The following ME3 variants were observed in gnomAD, a reference collection of about 807,000 sequenced individuals.
ME3 encodes malic enzyme 3.
Under a neutral mutation model 68.9 loss-of-function variants are expected in ME3, and 48 were observed. The observed-to-expected ratio is 0.70, with a 90% CI of 0.55 to 0.89. ME3 has a LOEUF of 0.89. Among genes scored for constraint, ME3 ranks in the 40% least tolerant of loss-of-function variants. The probability of loss-of-function intolerance (pLI) is 0.00; values close to 1 mark genes in which losing one functional copy is unlikely to be tolerated. For missense variants in ME3, 675 were observed against 797.4 expected (o/e 0.85, Z 1.85); for synonymous variants, 320 against 318.8 (o/e 1.00, Z -0.04).
intron 2 of ME3, among the ~76,000 whole-genome samples, chr11:86,605,066 A>G (rs892979612): frequency 6.6e-6 from 1 of 152,102 alleles, no homozygotes; most frequent in Admixed American, 6.6e-5. Flanking sequence ...AGATTTCACT[A>G]TTCTGGATAT....
At chr11:86,523,617 G>C (rs1954498451) in intron 4 of ME3, among the ~76,000 whole-genome samples, 1 of 152,102 alleles carries the variant, frequency 6.6e-6, no homozygotes, top group South Asian at 2.1e-4. Flanking sequence ...TGAGTTCCAA[G>C]AGTTGAAAGA....
chr11:86,531,616 T>C (rs1303665109), intron 4 of ME3, among the ~76,000 whole-genome samples: 1 of 152,032 alleles, frequency 6.6e-6, no homozygotes, highest in East Asian at 1.9e-4. Context: ...CCAACAATGA[T>C]AGAATGGATT....
chr11:86,489,445 T>A (rs1163824029), intron 6 of ME3, among the ~76,000 whole-genome samples: 1 of 152,216 alleles, frequency 6.6e-6, no homozygotes, highest in Non-Finnish European at 1.5e-5. Context: ...GCTTTCACAG[T>A]GCCTCCAATG....
chr11:86,600,743 A>T (rs1339451618), intron 2 of ME3, among the ~76,000 whole-genome samples: 1 of 151,886 alleles, frequency 6.6e-6, no homozygotes, highest in Non-Finnish European at 1.5e-5. Context: ...AGAAATTATA[A>T]CAAACTGTCT....
intron 4 of ME3, among the ~76,000 whole-genome samples, chr11:86,509,462 G>A (rs756242193): frequency 9.9e-5 from 15 of 152,042 alleles, no homozygotes; most frequent in South Asian, 2.1e-4. Flanking sequence ...TTGGTCAAGA[G>A]CAGACAGATA....
At chr11:86,494,491 T>C (rs1952190720) in intron 6 of ME3, among the ~76,000 whole-genome samples, 1 of 152,056 alleles carries the variant, frequency 6.6e-6, no homozygotes, top group African/African-American at 2.4e-5. Context: ...AATAATATAC[T>C]GGGGAGGAAC....
intron 4 of ME3, among the ~76,000 whole-genome samples, chr11:86,545,349 T>G (rs1280404685): frequency 6.6e-6 from 1 of 152,122 alleles, no homozygotes; most frequent in African/African-American, 2.4e-5. Context: ...AAATAAAGGG[T>G]ATTCAAATAG....
downstream of ME3, chr11:86,437,179 T>C (rs1174058560): frequency 6.6e-6 from 1 of 152,228 alleles, no homozygotes; most frequent in Non-Finnish European, 1.5e-5. Flanking sequence ...TTTCACTTTC[T>C]GAATTATTTC....
At chr11:86,449,717 A>C (rs1357719156) in intron 10 of ME3, among the ~76,000 whole-genome samples, 172 bp downstream of exon 10, 7 of 152,262 alleles carry the variant, frequency 4.6e-5, no homozygotes, top group Non-Finnish European at 8.8e-5. Flanking sequence ...ACTTTTGGAC[A>C]GAAGCAATTA....
intron 7 of ME3, among the ~76,000 whole-genome samples, chr11:86,475,967 C>G (rs933384005): frequency 6.6e-6 from 1 of 151,690 alleles, no homozygotes; most frequent in Non-Finnish European, 1.5e-5. Flanking sequence ...TGTGAACACC[C>G]CTGTGAAACA....
chr11:86,588,537 T>C (rs1030198435), intron 2 of ME3, among the ~76,000 whole-genome samples: 2 of 152,156 alleles, frequency 1.3e-5, no homozygotes, highest in Non-Finnish European at 1.5e-5. Flanking sequence ...ACGCCATATT[T>C]CAACCCCAAT....
chr11:86,664,669 T>A lies in ME3; in HGVS notation c.183+7093A>T, dbSNP rs1293573379. ...AGAAATTCCGAGCAGGGATGAAGTCTCCAAGGACTCAGAGTGGAGGGTGGG... is the reference window on the plus strand; with the variant it reads ...AGAAATTCCGAGCAGGGATGAAGTCACCAAGGACTCAGAGTGGAGGGTGGG... On this transcript the variant is annotated intron_variant, in intron 2 of 14. Coordinates refer to ENST00000543262, the Ensembl canonical transcript of ME3. Among the ~76,000 whole-genome samples, 3 of 152,138 alleles carry A rather than the reference T, an allele frequency of 2.0e-5. No individual in the cohort carries two copies. The South Asian group carries it at 6.2e-4, about 32-fold the overall frequency.
intron 2 of ME3, among the ~76,000 whole-genome samples, chr11:86,653,585 C>T (rs1315306526): frequency 6.6e-6 from 1 of 152,208 alleles, no homozygotes; most frequent in East Asian, 1.9e-4. Flanking sequence ...CTCTGGGACA[C>T]ATTCAAAGTA....
chr11:86,527,850 A>C (rs1452523443), intron 4 of ME3, among the ~76,000 whole-genome samples: 1 of 152,248 alleles, frequency 6.6e-6, no homozygotes, highest in Non-Finnish European at 1.5e-5. Flanking sequence ...GAGCTCCTGA[A>C]GGAAGCACTA....
At chr11:86,473,866 A>C (rs991507196) in intron 7 of ME3, among the ~76,000 whole-genome samples, 4 of 152,212 alleles carry the variant, frequency 2.6e-5, no homozygotes, top group Admixed American at 1.3e-4. Context: ...GATTATCTTC[A>C]ATCATAGGAA....
rs1320648459 is a variant in ME3, at chr11:86,505,360, T to G, written c.543+3432A>C. ...ATCAGCTCTAGTGGACCTGTTCACATGCCAAACTACAGGCCCAATATTCAG... is the reference window on the plus strand; with the variant it reads ...ATCAGCTCTAGTGGACCTGTTCACAGGCCAAACTACAGGCCCAATATTCAG... On this transcript the variant is annotated intron_variant, in intron 5 of 14. Transcript: ENST00000543262. 2.0e-5 allele frequency among the ~76,000 whole-genome samples: 3 copies of G among 152,142 alleles called. No individual in the cohort carries two copies. In the East Asian group the frequency reaches 5.8e-4, roughly 29 times the overall value.
chr11:86,607,424 A>G (rs942678914), intron 2 of ME3, among the ~76,000 whole-genome samples: 6 of 147,580 alleles, frequency 4.1e-5, no homozygotes, highest in Non-Finnish European at 7.4e-5. Flanking sequence ...TCATAGCCCC[A>G]TATACATACA....
chr11:86,604,362 G>T (rs1961286255), intron 2 of ME3, among the ~76,000 whole-genome samples: 1 of 151,906 alleles, frequency 6.6e-6, no homozygotes, highest in African/African-American at 2.4e-5. Flanking sequence ...GTTAAGGAGG[G>T]AGTCCATTCA....
chr11:86,569,462 C>T (rs1957671072), intron 2 of ME3, among the ~76,000 whole-genome samples: 4 of 152,198 alleles, frequency 2.6e-5, no homozygotes, highest in Admixed American at 6.5e-5. Flanking sequence ...CCATTCCACA[C>T]AGCTCTCCCC....
Sources: allele counts gnomAD v4.1 joint callset (sites outside exome capture counted in the v4.1 genomes callset), GRCh38; gene constraint gnomAD v4.1.1; transcripts MANE v1.5; gene names NCBI Gene and HGNC (gene_info 2026-07-23, HGNC 2026-07-21).